The following CFAP77 variants were observed in gnomAD, a reference collection of about 807,000 sequenced individuals.
The protein encoded by CFAP77 is cilia- and flagella-associated protein 77.
Under a neutral mutation model 31.1 loss-of-function variants are expected in CFAP77, and 25 were observed. The ratio of observed to expected loss-of-function variants is 0.80; its 90% confidence interval spans 0.59 to 1.12. The LOEUF is 1.12. CFAP77 is among the 50% of genes most tolerant of loss of function. CFAP77 has a pLI of 0.00. For synonymous variants in CFAP77, 151 were observed against 159.9 expected, an observed-to-expected ratio of 0.94 and a Z score of 0.42; for missense variants, 377 against 397.3, an observed-to-expected ratio of 0.95 and a Z score of 0.44.
At chr9:132,513,650 G>T (rs961320271) in intron 3 of CFAP77, among the ~76,000 whole-genome samples, 5 of 152,132 alleles carry the variant, frequency 3.3e-5, no homozygotes, top group African/African-American at 1.2e-4. Flanking sequence ...TGAATCGTCC[G>T]CCACAGGTGT....
At chr9:132,544,488 CTATTTT>C (rs1564247568) in intron 5 of CFAP77, among the ~76,000 whole-genome samples, 5 of 135,724 alleles carry the variant, frequency 3.7e-5, no homozygotes, top group Admixed American at 1.5e-4. Flanking sequence ...TCCTCACTGC[CTATTTT>C]TTTTTTTTTT....
chr9:132,429,537 CAAAAAAAA>C (rs762588728), intron 1 of CFAP77, among the ~76,000 whole-genome samples: 3 of 39,466 alleles, frequency 7.6e-5, no homozygotes, highest in East Asian at 1.1e-3. Flanking sequence ...GACTTCAACT[CAAAAAAAA>C]AAAAAAAAAA....
At chr9:132,510,726 C>T (rs1056532697) in intron 3 of CFAP77, among the ~76,000 whole-genome samples, 2 of 152,036 alleles carry the variant, frequency 1.3e-5, no homozygotes, top group African/African-American at 2.4e-5. Flanking sequence ...CAGAGCTGCA[C>T]GCTGGGCCCC....
At chr9:132,439,879 A>G (rs1356277399) in intron 1 of CFAP77, among the ~76,000 whole-genome samples, 1 of 150,962 alleles carries the variant, frequency 6.6e-6, no homozygotes, top group Non-Finnish European at 1.5e-5. Context: ...AAGATGCTCT[A>G]ATCTACCTGT....
At chr9:132,500,700 C>T in intron 3 of CFAP77, among the ~76,000 whole-genome samples, 1 of 152,204 alleles carries the variant, frequency 6.6e-6, no homozygotes, top group East Asian at 1.9e-4. Flanking sequence ...ATTCTTCCAT[C>T]CCCTGAGAAA....
chr9:132,506,854 T>C (rs1851938645), intron 3 of CFAP77, among the ~76,000 whole-genome samples: 1 of 152,076 alleles, frequency 6.6e-6, no homozygotes. Flanking sequence ...GGTCAAGTCA[T>C]TTGGCTTCTG....
intron 1 of CFAP77, among the ~76,000 whole-genome samples, chr9:132,443,901 G>A (rs1850661765): frequency 6.6e-6 from 1 of 152,202 alleles, no homozygotes; most frequent in African/African-American, 2.4e-5. Flanking sequence ...AACACTGCCT[G>A]GAATCAGTGT....
intron 1 of CFAP77, among the ~76,000 whole-genome samples, chr9:132,475,350 T>C (rs1447922017): frequency 2.0e-5 from 3 of 152,168 alleles, no homozygotes; most frequent in Admixed American, 2.0e-4. Flanking sequence ...CCTGAGCAGA[T>C]GTTGAATTCT....
chr9:132,562,683 G>T (rs1829830664), intron 5 of CFAP77, among the ~76,000 whole-genome samples: 1 of 151,800 alleles, frequency 6.6e-6, no homozygotes, highest in Non-Finnish European at 1.5e-5. Context: ...TGTTTTTGTT[G>T]TTGTTGTTTT....
At chr9:132,513,333 A>G (rs1341319660) in intron 3 of CFAP77, 2 of 1,547,044 alleles carry the variant, frequency 1.3e-6, no homozygotes, top group African/African-American at 2.7e-5. Flanking sequence ...TGGATTTAGC[A>G]CGCTAACCAT....
chr9:132,511,023 C>T lies in CFAP77; in HGVS notation c.524+11423C>T, dbSNP rs780845184. ...TGATCTCAGAACCCACATTCGTTAC[C>T]TCCGGCCTATGCTGAGAGTTCATTT... On this transcript the variant is annotated intron_variant, in intron 3 of 5. Coordinates refer to ENST00000393216, the MANE Select transcript of CFAP77 (RefSeq NM_001282957.2). This position sits in a 1 kb window ranked among gnomAD's most constrained non-coding sequence, Gnocchi z 5.8. Among the ~76,000 whole-genome samples, 2 of 152,186 alleles carry T rather than the reference C, an allele frequency of 1.3e-5. No homozygotes were observed. Among genetic ancestry groups the T allele is most frequent in the South Asian group, 2.1e-4 (1 of 4,834 alleles).
chr9:132,485,119 A>G (rs56129041), intron 1 of CFAP77, among the ~76,000 whole-genome samples: 4,512 of 152,288 alleles, frequency 0.03, 224 homozygotes, highest in African/African-American at 0.1. Context: ...TTGAGGAACC[A>G]TCAAGCAGAT....
chr9:132,481,964 G>GC lies in CFAP77; in HGVS notation c.196-16731_196-16730insC, dbSNP rs890202589. The stretch of plus-strand genomic sequence containing the variant: ...AAGGAACAAGGGTTTATGGTTGGGG[G>GC]GGGGGGGGGCGGCGGAACACTGAAC... On this transcript the variant is annotated intron_variant, in intron 1 of 5. Coordinates refer to ENST00000393216, the MANE Select transcript of CFAP77 (RefSeq NM_001282957.2). This position sits in a 1 kb window ranked among gnomAD's most constrained non-coding sequence, Gnocchi z 5.0. Among the ~76,000 whole-genome samples, 1 of 137,888 alleles carries GC rather than the reference G, an allele frequency of 7.3e-6. No individual in the cohort carries two copies. Among genetic ancestry groups the GC allele is most frequent in the African/African-American group, 2.8e-5 (1 of 36,138 alleles). The allele number at this position is 137,888 out of a possible 152,430, so 90.5% of individuals were successfully genotyped here.
At chr9:132,433,470 A>G (rs2092099049) in intron 1 of CFAP77, among the ~76,000 whole-genome samples, 1 of 152,158 alleles carries the variant, frequency 6.6e-6, no homozygotes, top group South Asian at 2.1e-4. Flanking sequence ...GCCTGTGGGC[A>G]GACTGCCCTC....
intron 4 of CFAP77, among the ~76,000 whole-genome samples, chr9:132,541,550 C>G (rs764716963): frequency 2.0e-5 from 3 of 152,168 alleles, no homozygotes; most frequent in Non-Finnish European, 2.9e-5. Flanking sequence ...ACGGCAAAAC[C>G]CTGTCTTTAC....
At chr9:132,472,526 G>A (rs1195814573) in intron 1 of CFAP77, among the ~76,000 whole-genome samples, 1 of 152,216 alleles carries the variant, frequency 6.6e-6, no homozygotes, top group African/African-American at 2.4e-5. Flanking sequence ...AGAGGCCGAG[G>A]TGGGAGGATG....
In CFAP77 at chr9:132,424,607, G is replaced by A. The variant is rs528297695; in HGVS notation, c.195+14141G>A. On this transcript the variant is annotated intron_variant, in intron 1 of 5. Transcript: ENST00000393216. The surrounding 1 kb of genome is among the most constrained non-coding windows in gnomAD (Gnocchi z 4.1). ...CACTACCAAGAAGGCGGCAGAGGGA[G>A]GTTCCTGGGAAAGGGATGCTGGGAT... Among the ~76,000 whole-genome samples, 2 of 152,302 alleles carry A rather than the reference G, an allele frequency of 1.3e-5. No homozygotes were observed. Among genetic ancestry groups the A allele is most frequent in the East Asian group, 3.9e-4 (2 of 5,182 alleles).
In CFAP77 at chr9:132,499,600, G is replaced by T. The variant is rs561494397; in HGVS notation, c.524G>T (p.Arg175Leu). 1 of 1,613,886 alleles carries T rather than the reference G, an allele frequency of 6.2e-7. No homozygotes were observed. The highest frequency in any genetic ancestry group is 8.5e-7 in the Non-Finnish European group (1 of 1,179,882). ...AACATGACATTTGGGATCCGGGCAC[G>T]GTAAGGTGGCTGGCAGCCAGGGCTT... is the stretch of plus-strand genomic sequence containing the variant. ...PPNMTFGIRA[R>L]PSTPFFDLLQ... Residue 175 changes from arginine (R) to leucine (L), a missense_variant and splice_region_variant, in exon 3 of 6, where the codon CGG becomes CTG. Arg to Leu is a moderately radical substitution (Grantham distance 102, BLOSUM62 -2). Coordinates refer to ENST00000393216, the MANE Select transcript of CFAP77 (RefSeq NM_001282957.2). The surrounding 1 kb of genome is among the most constrained non-coding windows in gnomAD (Gnocchi z 5.4).
intron 1 of CFAP77, among the ~76,000 whole-genome samples, chr9:132,484,856 T>C (rs989817075): frequency 2.6e-5 from 4 of 151,614 alleles, no homozygotes; most frequent in South Asian, 2.1e-4. Context: ...TTCTTTCTTT[T>C]TTTTTTTTTT....
Sources: allele counts gnomAD v4.1 joint callset (sites outside exome capture counted in the v4.1 genomes callset), GRCh38; gene constraint gnomAD v4.1.1; non-coding constraint Gnocchi (gnomAD v3.1); transcripts MANE v1.5; gene names NCBI Gene and HGNC (gene_info 2026-07-23, HGNC 2026-07-21).